Variants in DCAF4 observed in about 807,000 individuals in gnomAD.
DCAF4 encodes DDB1- and CUL4-associated factor 4.
In DCAF4, 37 loss-of-function variants were observed where a neutral mutation model predicts 60.9. The ratio of observed to expected loss-of-function variants is 0.61; its 90% CI spans 0.47 to 0.80. DCAF4 has a LOEUF of 0.80. Among genes scored for constraint, DCAF4 ranks in the 30% least tolerant of loss-of-function variants. The pLI, the probability that DCAF4 is intolerant of heterozygous loss-of-function variation, is 0.00. For synonymous variants in DCAF4, 243 were observed against 254.8 expected (o/e 0.95, Z 0.44); for missense variants, 577 against 650.0 (o/e 0.89, Z 1.22).
chr14:72,956,508 A>C lies in DCAF4; in HGVS notation c.1294+8A>C. The C allele has an allele frequency of 6.2e-7, 1 of 1,605,674 alleles. No individual in the cohort carries two copies. The highest frequency in any genetic ancestry group is 8.5e-7 in the Non-Finnish European group (1 of 1,175,902). ...AAGGAATCCTGGTGGCAGGTACTTG[A>C]GGAAGGAAGGGGAAGTTCCACCCCA... is the stretch of plus-strand genomic sequence containing the variant. On this transcript the variant is annotated splice_region_variant and intron_variant, in intron 13 of 13. Transcript: ENST00000358377.
chr14:72,939,661 G>C (rs1377191974), intron 2 of DCAF4, 141 bp from the exon 3 acceptor site: 1 of 594,366 alleles, frequency 1.7e-6, no homozygotes, highest in African/African-American at 1.9e-5. Context: ...TGCAAGAGGG[G>C]ATCAGTGCTT....
intron 6 of DCAF4, among the ~76,000 whole-genome samples, chr14:72,943,634 G>A (rs973370795): frequency 2.0e-5 from 3 of 152,164 alleles, no homozygotes; most frequent in Admixed American, 6.5e-5. Context: ...CAAGCTGGAA[G>A]CCAAGGTCAG....
At chr14:72,951,268 C>T (rs1214084453) in intron 8 of DCAF4, among the ~76,000 whole-genome samples, 1 of 152,094 alleles carries the variant, frequency 6.6e-6, no homozygotes, top group East Asian at 1.9e-4. Context: ...TAGGCAGGAG[C>T]CACCACACCC....
At chr14:72,947,064 G>A in intron 7 of DCAF4, 78 bp from the exon 8 acceptor site, 1 of 1,582,338 alleles carries the variant, frequency 6.3e-7, no homozygotes, top group Non-Finnish European at 8.7e-7. Flanking sequence ...TCACACGTCT[G>A]TGTCCCCACA....
chr14:72,926,851 C>T lies in DCAF4; in HGVS notation c.-9+308C>T, dbSNP rs571073234. On this transcript the variant is annotated intron_variant, in intron 1 of 13. Coordinates refer to ENST00000358377, the MANE Select transcript of DCAF4 (RefSeq NM_015604.4). The stretch of plus-strand genomic sequence containing the variant: ...GTTTCTCTAAGCGCTTCTCTGAGAC[C>T]TGCTGCTGAAGGCCCCACCCGACAC... The T allele has an allele frequency of 4.1e-3, 623 of 152,734 alleles. 3 individuals carry two copies. The highest frequency in any genetic ancestry group is 6.6e-3 in the Admixed American group (101 of 15,308). 9.5% of individuals were successfully genotyped at this position (152,734 alleles called of 1,614,324 possible).
chr14:72,944,710 T>C (rs1038770520), intron 6 of DCAF4, among the ~76,000 whole-genome samples: 2 of 152,114 alleles, frequency 1.3e-5, no homozygotes, highest in Admixed American at 1.3e-4. Context: ...GAGTATCACT[T>C]GATCCTGGGA....
At chr14:72,943,415 A>T (rs1179211676) in intron 6 of DCAF4, among the ~76,000 whole-genome samples, 1 of 152,178 alleles carries the variant, frequency 6.6e-6, no homozygotes, top group African/African-American at 2.4e-5. Flanking sequence ...ATATGCAATT[A>T]AAAAGGCTCA....
chr14:72,928,187 C>CTTTTTTTTTTTTTTTTTTTTTTTTTTTT lies in DCAF4; in HGVS notation c.-9+1667_-9+1668insTTTTTTTTTTTTTTTTTTTTTTTTTTTT, dbSNP rs565229070. Among the ~76,000 whole-genome samples the CTTTTTTTTTTTTTTTTTTTTTTTTTTTT allele has an allele frequency of 1.8e-4, 12 of 67,276 alleles. 3 individuals carry two copies. The highest frequency in any genetic ancestry group is 7.3e-4 in the African/African-American group (11 of 15,108). 44.1% of individuals were successfully genotyped at this position (67,276 alleles called of 152,430 possible). ...CCCGCTAGTCTACAGAATCCCCCCA[C>CTTTTTTTTTTTTTTTTTTTTTTTTTTTT]TTTTTTTTTTTTTTTTTTTTTTTGA... On this transcript the variant is annotated intron_variant, in intron 1 of 13. Transcript: ENST00000358377.
rs1232436650 is a variant in DCAF4 at position 72,943,178 on chromosome 14, C to T, written c.534+82C>T. On this transcript the variant is annotated intron_variant, in intron 6 of 13. Transcript: ENST00000358377. ...TGGCTTAGCGTTGCCAGTCATCAAA[C>T]CTGGCTCTGGAGAAGCCAACTGCAA... 4 of 1,324,086 alleles carry T rather than the reference C, an allele frequency of 3.0e-6. No individual in the cohort carries two copies. The East Asian group carries it at 7.0e-5, about 23-fold the overall frequency. 82.0% of individuals were successfully genotyped at this position (1,324,086 alleles called of 1,614,324 possible).
rs975211647 is a variant in DCAF4 at position 72,939,822 on chromosome 14, A to G, written c.113A>G (p.Gln38Arg). Residue 38 changes from glutamine (Q) to arginine (R), a missense_variant, in exon 3 of 14, where the codon CAG becomes CGG. Coordinates refer to ENST00000358377, the MANE Select transcript of DCAF4 (RefSeq NM_015604.4). ...SEDRSDSRAA[Q>R]PAHDSGHGDD... ...AACAGGTCTGACTCCCGGGCAGCAC[A>G]GCCCGCTCACGATTCCGGCCACGGT... 3.7e-6 allele frequency: 6 copies of G among 1,612,962 alleles called. No individual in the cohort carries two copies. The highest frequency in any genetic ancestry group is 5.1e-6 in the Non-Finnish European group (6 of 1,179,548).
intron 1 of DCAF4, among the ~76,000 whole-genome samples, chr14:72,929,393 GCT>G: frequency 6.6e-6 from 1 of 152,306 alleles, no homozygotes. Context: ...GCACATACTG[GCT>G]CTCTGTGTTA....
chr14:72,958,482 T>G, intron 13 of DCAF4, 130 bp from the exon 14 acceptor site: 1 of 1,053,566 alleles, frequency 9.5e-7, no homozygotes, highest in East Asian at 2.5e-5. Context: ...ATACTGTCCG[T>G]TAATGAGTTT....
chr14:72,934,913 C>G (rs1224385445), intron 1 of DCAF4: 1 of 152,132 alleles, frequency 6.6e-6, no homozygotes, highest in Non-Finnish European at 1.5e-5. Flanking sequence ...GTAAAGTAGC[C>G]ACAGGTTTTG....
At chr14:72,940,552 G>C in intron 4 of DCAF4, 175 bp downstream of exon 4, 1 of 551,872 alleles carries the variant, frequency 1.8e-6, no homozygotes, top group Non-Finnish European at 3.0e-6. Context: ...ACAGCCAAGA[G>C]CCCCCTTCTT....
rs1892152014 is a variant in DCAF4 at position 72,955,524 on chromosome 14, C to T, written c.1007C>T (p.Ala336Val). The T allele has an allele frequency of 6.2e-7, 1 of 1,613,322 alleles. No homozygotes were observed. The highest frequency in any genetic ancestry group is 8.5e-7 in the Non-Finnish European group (1 of 1,179,518). Residue 336 changes from alanine to valine, a missense_variant and splice_region_variant, in exon 12 of 14, where the codon GCT (alanine) becomes GTT (valine). Transcript: ENST00000358377. ...DVLAQQFALM[A>V]PLLFNGCRSG... ...ACTGAGCAGTCCCTCTTTCCACAGG[C>T]TCCTCTGCTGTTTAATGGCTGCCGC...
chr14:72,950,118 C>A (rs1205119331), intron 8 of DCAF4, among the ~76,000 whole-genome samples: 1 of 152,158 alleles, frequency 6.6e-6, no homozygotes, highest in Admixed American at 6.5e-5. Context: ...TCGCTCAGGG[C>A]TGTGGGAGGT....
In DCAF4 at chr14:72,954,467, A is replaced by G. The variant is rs759218445; in HGVS notation, c.989A>G (p.Gln330Arg). The G allele has an allele frequency of 3.7e-6, 6 of 1,614,218 alleles. No homozygotes were observed. In the East Asian group the frequency reaches 8.9e-5, roughly 24 times the overall value. ...GGGACCAACAGTGATGTCTTGGCCCAGCAGTTTGCTCTCATGGTTGGTTGG... is the reference window on the plus strand; with the variant it reads ...GGGACCAACAGTGATGTCTTGGCCCGGCAGTTTGCTCTCATGGTTGGTTGG... ...SFGTNSDVLA[Q>R]QFALMAPLLF... Residue 330 changes from glutamine (Q) to arginine (R), a missense_variant, in exon 11 of 14, where the codon CAG becomes CGG. Gln to Arg is a conservative substitution (Grantham distance 43, BLOSUM62 1). Coordinates refer to ENST00000358377, the MANE Select transcript of DCAF4 (RefSeq NM_015604.4).
chr14:72,940,416 C>G, intron 4 of DCAF4, 39 bp downstream of exon 4: 1 of 1,566,160 alleles, frequency 6.4e-7, no homozygotes, highest in Non-Finnish European at 8.6e-7. Context: ...CCTCTCCGCT[C>G]CTGCCAGCAC....
chr14:72,961,732 G>A, downstream of DCAF4: 1 of 722,212 alleles, frequency 1.4e-6, no homozygotes, highest in Non-Finnish European at 1.7e-6. Flanking sequence ...GTGTTTGGCT[G>A]TGGGCATGGG....
Sources: allele counts gnomAD v4.1 joint callset (sites outside exome capture counted in the v4.1 genomes callset), GRCh38; gene constraint gnomAD v4.1.1; transcripts MANE v1.5; gene names NCBI Gene and HGNC (gene_info 2026-07-23, HGNC 2026-07-21).